The following APLP2 variants were observed in gnomAD, a reference collection of about 807,000 sequenced individuals.
APLP2 encodes the protein CDEI box-binding protein.
In APLP2, 53 loss-of-function variants were observed where a neutral mutation model predicts 89.9. The ratio of observed to expected loss-of-function variants is 0.59; its 90% CI spans 0.47 to 0.74. The LOEUF is 0.74. APLP2 is among the 30% of genes least tolerant of loss of function. APLP2 has a pLI of 0.00. For synonymous variants in APLP2, 372 were observed against 348.6 expected (o/e 1.07, Z -0.75); for missense variants, 973 against 975.9 (o/e 1.00, Z 0.04).
At chr11:130,104,438 C>T (rs1457249932) in intron 1 of APLP2, among the ~76,000 whole-genome samples, 4 of 151,832 alleles carry the variant, frequency 2.6e-5, no homozygotes, top group Non-Finnish European at 5.9e-5. Context: ...AGGCTGGTCT[C>T]GAGCTCCTGA....
chr11:130,126,578 C>A (rs1950389179), intron 7 of APLP2, 122 bp from the exon 8 acceptor site: 1 of 1,139,092 alleles, frequency 8.8e-7, no homozygotes, highest in Non-Finnish European at 1.3e-6. Flanking sequence ...ATAGCAGCAC[C>A]CTGCACTTAG....
chr11:130,109,157 C>A lies in APLP2; in HGVS notation c.106-272C>A, dbSNP rs111351592. 7.6e-3 allele frequency: 1,541 copies of A among 201,916 alleles called. 30 individuals carry two copies. Among genetic ancestry groups the A allele is most frequent in the African/African-American group, 0.033 (1,418 of 42,976 alleles). The allele number at this position is 201,916 out of a possible 1,614,324, so 12.5% of individuals were successfully genotyped here. On this transcript the variant is annotated intron_variant, in intron 1 of 16. Transcript: ENST00000338167. Reference sequence around the variant, plus strand: ...GGCACATGTCTACCTGTGTAACAAACCTGCACGTTGTGCACATGTTCCCTA... The same window carrying A: ...GGCACATGTCTACCTGTGTAACAAAACTGCACGTTGTGCACATGTTCCCTA...
At chr11:130,138,581 G>GTTTTTT (rs34805457) in intron 13 of APLP2, among the ~76,000 whole-genome samples, 44 of 91,396 alleles carry the variant, frequency 4.8e-4, no homozygotes, top group Non-Finnish European at 6.4e-4. Flanking sequence ...CTGGTGGTAG[G>GTTTTTT]TTTTTTTTTT....
intron 1 of APLP2, among the ~76,000 whole-genome samples, chr11:130,076,740 A>G (rs890366845): frequency 2.4e-4 from 36 of 152,186 alleles, no homozygotes; most frequent in African/African-American, 8.4e-4. Flanking sequence ...CTCTGATAGG[A>G]TAATGTCCAG....
chr11:130,130,889 T>C (rs1041450987), intron 11 of APLP2, among the ~76,000 whole-genome samples: 3 of 152,198 alleles, frequency 2.0e-5, no homozygotes, highest in African/African-American at 7.2e-5. Flanking sequence ...ACAGCTGCTA[T>C]GAGTGTGAAG....
At chr11:130,109,348 T>TTCTGTCACATAGACCTGAATG in intron 1 of APLP2, 81 bp from the exon 2 acceptor site, 1 of 1,279,238 alleles carries the variant, frequency 7.8e-7, no homozygotes. Flanking sequence ...AAAAGATGCA[T>TTCTGTCACATAGACCTGAATG]TCTGTCACAT....
chr11:130,100,469 T>C (rs1376178645), intron 1 of APLP2: 1 of 152,082 alleles, frequency 6.6e-6, no homozygotes, highest in Admixed American at 6.5e-5. Flanking sequence ...TACATGAAAG[T>C]ATTTTATGTA....
intron 1 of APLP2, chr11:130,102,107 T>C (rs1227157000): frequency 2.9e-6 from 1 of 343,182 alleles, no homozygotes; most frequent in East Asian, 8.6e-5. Flanking sequence ...AATTTTTTTT[T>C]TTCACTTCGT....
chr11:130,129,908 C>A, intron 10 of APLP2, 130 bp from the exon 11 acceptor site: 1 of 1,071,984 alleles, frequency 9.3e-7, no homozygotes, highest in Non-Finnish European at 1.4e-6. Context: ...AAAAAGCCTT[C>A]CAGTTACAGC....
chr11:130,086,078 A>C (rs540790759), intron 1 of APLP2, among the ~76,000 whole-genome samples: 3 of 152,358 alleles, frequency 2.0e-5, no homozygotes, highest in Non-Finnish European at 1.5e-5. Flanking sequence ...CTGCTGGATC[A>C]TATAGTAATT....
intron 10 of APLP2, 131 bp downstream of exon 10, chr11:130,129,337 A>C: frequency 9.2e-7 from 1 of 1,084,962 alleles, no homozygotes; most frequent in South Asian, 1.6e-5. Context: ...AAAGATGATG[A>C]GGGAGGAAAA....
intron 12 of APLP2, among the ~76,000 whole-genome samples, chr11:130,135,021 A>G (rs1281497147): frequency 2.0e-5 from 3 of 152,106 alleles, no homozygotes; most frequent in East Asian, 1.9e-4. Context: ...GAGTCATGGT[A>G]TATGGTCAGT....
chr11:130,132,833 G>T (rs777769492), intron 11 of APLP2, among the ~76,000 whole-genome samples: 13 of 152,024 alleles, frequency 8.6e-5, no homozygotes, highest in Non-Finnish European at 1.8e-4. Context: ...ATCCATAATG[G>T]TTCCCTCTGT....
chr11:130,104,227 T>C (rs1041842853), intron 1 of APLP2, among the ~76,000 whole-genome samples: 5 of 143,088 alleles, frequency 3.5e-5, no homozygotes, highest in Non-Finnish European at 7.6e-5. Context: ...TTTTTTTTTT[T>C]TTTTTTGAGA....
chr11:130,098,514 G>A (rs1946510395), intron 1 of APLP2, among the ~76,000 whole-genome samples: 1 of 152,164 alleles, frequency 6.6e-6, no homozygotes, highest in South Asian at 2.1e-4. Flanking sequence ...CTCTGACATT[G>A]GTTATTCATG....
At chr11:130,082,204 G>GT (rs1414647137) in intron 1 of APLP2, among the ~76,000 whole-genome samples, 1 of 151,436 alleles carries the variant, frequency 6.6e-6, no homozygotes, top group Non-Finnish European at 1.5e-5. Flanking sequence ...TGTTTCTGAG[G>GT]TGGAGTTCTG....
At chr11:130,077,734 C>A (rs1942380341) in intron 1 of APLP2, among the ~76,000 whole-genome samples, 1 of 152,088 alleles carries the variant, frequency 6.6e-6, no homozygotes, top group South Asian at 2.1e-4. Flanking sequence ...ATTTTCATTA[C>A]ATTTGCTTAG....
At chr11:130,127,903 C>G (rs1950556633) in intron 9 of APLP2, 63 bp downstream of exon 9, 1 of 1,424,672 alleles carries the variant, frequency 7.0e-7, no homozygotes, top group African/African-American at 1.4e-5. Flanking sequence ...GGTCAGAGCC[C>G]CATTCCCAAC....
intron 3 of APLP2, among the ~76,000 whole-genome samples, chr11:130,118,358 T>C (rs945839221): frequency 6.6e-6 from 1 of 152,182 alleles, no homozygotes; most frequent in Non-Finnish European, 1.5e-5. Flanking sequence ...TGTGGAACAA[T>C]AGTTTCTGTT....
Sources: gnomAD v4.1 joint callset for allele counts (sites outside exome capture counted in the v4.1 genomes callset) on GRCh38, gnomAD v4.1.1 for gene constraint, MANE v1.5 for transcripts, NCBI Gene and HGNC (gene_info 2026-07-23, HGNC 2026-07-21) for gene names.